MRAS: variants seen among roughly 807,000 people sequenced by gnomAD.
MRAS encodes muscle RAS oncogene homolog, also known as ras-related protein M-Ras.
Under a neutral mutation model 20.9 loss-of-function variants are expected in MRAS, and 4 were observed. The ratio of observed to expected loss-of-function variants is 0.19; its 90% confidence interval spans 0.09 to 0.44. The LOEUF is 0.44. Among genes scored for constraint, MRAS ranks in the 20% least tolerant of loss-of-function variants. The probability of loss-of-function intolerance (pLI) is 0.99; values close to 1 mark genes in which losing one functional copy is unlikely to be tolerated. For missense variants in MRAS, 154 were observed against 277.5 expected, an observed-to-expected ratio of 0.56 and a Z score of 3.16; for synonymous variants, 98 against 102.9, an observed-to-expected ratio of 0.95 and a Z score of 0.29.
chr3:138,402,192 C>CAGA lies in MRAS; in HGVS notation c.564_566dup (p.Lys189dup), dbSNP rs752298978. The CAGA allele has an allele frequency of 2.2e-5, 35 of 1,614,044 alleles. No individual in the cohort carries two copies. The highest frequency in any genetic ancestry group is 2.7e-5 in the Non-Finnish European group (32 of 1,179,904). On this transcript the variant is annotated inframe_insertion, in exon 6 of 6. Transcript: ENST00000423968. ...AAGGCAACAGATTCCGGAAAAAAGCCAGAAGAAGAAGAAGAAAACCAAATG... is the reference window on the plus strand; with the variant it reads ...AAGGCAACAGATTCCGGAAAAAAGCCAGAAGAAGAAGAAGAAGAAAACCAAATG...
chr3:138,359,291 C>G (rs1254917034), intron 1 of MRAS, among the ~76,000 whole-genome samples: 1 of 152,176 alleles, frequency 6.6e-6, no homozygotes, highest in Non-Finnish European at 1.5e-5. Flanking sequence ...GTTCACCACT[C>G]CAAAGCTAGG....
intron 5 of MRAS, 111 bp downstream of exon 5, chr3:138,400,724 A>T: frequency 3.4e-6 from 3 of 884,188 alleles, no homozygotes. Context: ...AGGCTGTGGA[A>T]TTCTGGGCCT....
intron 2 of MRAS, among the ~76,000 whole-genome samples, chr3:138,380,167 G>T (rs1214431294): frequency 1.3e-5 from 2 of 152,076 alleles, no homozygotes; most frequent in Non-Finnish European, 2.9e-5. Flanking sequence ...TGCCTATTCA[G>T]GTCTTTTGCC....
chr3:138,387,984 A>C (rs2055052516), intron 2 of MRAS, among the ~76,000 whole-genome samples: 1 of 152,156 alleles, frequency 6.6e-6, no homozygotes, highest in African/African-American at 2.4e-5. Flanking sequence ...TCCTTAAGCC[A>C]GGGTGTTGAG....
chr3:138,352,105 C>A (rs1428581065), intron 1 of MRAS, among the ~76,000 whole-genome samples: 1 of 152,222 alleles, frequency 6.6e-6, no homozygotes, highest in Non-Finnish European at 1.5e-5. Flanking sequence ...GAGTTGAAGT[C>A]TGTGCAGTCA....
chr3:138,384,964 T>C (rs932502924), intron 2 of MRAS, among the ~76,000 whole-genome samples: 3 of 152,014 alleles, frequency 2.0e-5, no homozygotes, highest in South Asian at 2.1e-4. Context: ...ATGGAGGTCA[T>C]TGGTGACTTG....
chr3:138,401,602 G>A (rs2055361231), intron 5 of MRAS, among the ~76,000 whole-genome samples: 1 of 152,174 alleles, frequency 6.6e-6, no homozygotes, highest in Non-Finnish European at 1.5e-5. Context: ...ACCAGCCTGG[G>A]CAACATAGTG....
chr3:138,351,406 G>A (rs949323601), intron 1 of MRAS, among the ~76,000 whole-genome samples: 2 of 152,202 alleles, frequency 1.3e-5, no homozygotes, highest in Non-Finnish European at 2.9e-5. Flanking sequence ...AGAAGGTACA[G>A]TCACCTTTAT....
chr3:138,386,212 G>A (rs6782181), intron 2 of MRAS, among the ~76,000 whole-genome samples: 89,829 of 151,728 alleles, frequency 0.59, 27,594 homozygotes, highest in East Asian at 0.74. Flanking sequence ...ATTCCTGAAC[G>A]TATTCATCCC....
chr3:138,362,991 C>T (rs1046542752), intron 1 of MRAS, among the ~76,000 whole-genome samples: 6 of 151,980 alleles, frequency 3.9e-5, no homozygotes, highest in East Asian at 1.9e-4. Flanking sequence ...ACACTTTTGT[C>T]GCTTCTATTC....
chr3:138,352,891 T>G (rs1252663188), intron 1 of MRAS, among the ~76,000 whole-genome samples: 7 of 152,052 alleles, frequency 4.6e-5, no homozygotes, highest in African/African-American at 1.7e-4. Flanking sequence ...GCTGCATCTG[T>G]GACTTCTCTG....
intron 1 of MRAS, among the ~76,000 whole-genome samples, chr3:138,365,412 A>G (rs2054539565): frequency 6.6e-6 from 1 of 152,206 alleles, no homozygotes; most frequent in African/African-American, 2.4e-5. Context: ...ATGAGGAAGC[A>G]TGTGGTACTT....
At chr3:138,387,825 T>TA (rs1560181100) in intron 2 of MRAS, among the ~76,000 whole-genome samples, 1 of 152,176 alleles carries the variant, frequency 6.6e-6, no homozygotes, top group African/African-American at 2.4e-5. Flanking sequence ...TGCACCGACA[T>TA]ATGCAGTTTG....
At chr3:138,364,267 C>T (rs2054516234) in intron 1 of MRAS, among the ~76,000 whole-genome samples, 1 of 152,094 alleles carries the variant, frequency 6.6e-6, no homozygotes, top group Non-Finnish European at 1.5e-5. Flanking sequence ...GCTCAAGGAA[C>T]TCAGGAAAGG....
At chr3:138,348,503 TGGCGCGCCCGCAGC>T (rs2054160117), upstream of MRAS, 1 of 151,974 alleles carries the variant, frequency 6.6e-6, no homozygotes, top group Admixed American at 6.6e-5. Flanking sequence ...GGCTCCCCAC[TGGCGCGCCCGCAGC>T]GGCGCTCTAT....
chr3:138,399,591 C>T (rs1391342128), intron 4 of MRAS, among the ~76,000 whole-genome samples: 1 of 152,166 alleles, frequency 6.6e-6, no homozygotes, highest in Admixed American at 6.5e-5. Context: ...CTTCACTGTG[C>T]TTTTCTTTTT....
chr3:138,380,795 G>T (rs1026335656), intron 2 of MRAS, among the ~76,000 whole-genome samples: 1 of 151,006 alleles, frequency 6.6e-6, no homozygotes, highest in Non-Finnish European at 1.5e-5. Flanking sequence ...TTTTGAGACG[G>T]TGTCTCGCTC....
At chr3:138,385,156 ATTTTTTTTT>A (rs34770279) in intron 2 of MRAS, among the ~76,000 whole-genome samples, 5 of 66,476 alleles carry the variant, frequency 7.5e-5, no homozygotes, top group East Asian at 6.5e-4. Flanking sequence ...TTGATTTGTA[ATTTTTTTTT>A]TTTTTTTTTT....
chr3:138,363,441 A>G (rs2054491862), intron 1 of MRAS, among the ~76,000 whole-genome samples: 1 of 152,056 alleles, frequency 6.6e-6, no homozygotes, highest in South Asian at 2.1e-4. Flanking sequence ...AGCCTTCCGC[A>G]GCACCCCCAG....
Sources: gnomAD v4.1 joint callset for allele counts (sites outside exome capture counted in the v4.1 genomes callset) on GRCh38, gnomAD v4.1.1 for gene constraint, MANE v1.5 for transcripts, NCBI Gene and HGNC (gene_info 2026-07-23, HGNC 2026-07-21) for gene names.